The following UGT1A5 variants were observed in gnomAD, a reference collection of about 807,000 sequenced individuals.
The protein encoded by UGT1A5 is UDP glucuronosyltransferase family 1 member A5.
Under a neutral mutation model 40.3 loss-of-function variants are expected in UGT1A5, and 29 were observed. The ratio of observed to expected loss-of-function variants is 0.72; its 90% CI spans 0.54 to 0.98. UGT1A5 has a LOEUF of 0.98. Among genes scored for constraint, UGT1A5 ranks in the 50% least tolerant of loss-of-function variants. The probability of loss-of-function intolerance (pLI) is 0.00; values close to 1 mark genes in which losing one functional copy is unlikely to be tolerated. For missense variants in UGT1A5, 678 were observed against 677.9 expected (o/e 1.00, Z 0.00); for synonymous variants, 257 against 262.5 (o/e 0.98, Z 0.20).
Position 233,769,822 on chromosome 2 carries a change from T to G in UGT1A5, c.1307+1383T>G, listed in dbSNP as rs978750106. ...ATGAGCCGTGATCATGCCACTGCAC[T>G]CCAGCAACCTGGGCAACAGAGTGAG... On this transcript the variant is annotated intron_variant, in intron 4 of 4. Coordinates refer to ENST00000373414, the MANE Select transcript of UGT1A5 (RefSeq NM_019078.2). This position sits in a 1 kb window ranked among gnomAD's most constrained non-coding sequence, Gnocchi z 4.4. 2.6e-6 allele frequency: 2 copies of G among 764,448 alleles called. No individual in the cohort carries two copies. Among genetic ancestry groups the G allele is most frequent in the Admixed American group, 3.7e-5 (1 of 26,868 alleles). The allele number at this position is 764,448 out of a possible 1,614,324, so 47.4% of individuals were successfully genotyped here.
At chr2:233,755,830 A>G (rs534552982) in intron 1 of UGT1A5, 2 of 152,366 alleles carry the variant, frequency 1.3e-5, no homozygotes, top group South Asian at 4.1e-4. Context: ...AGACATATTC[A>G]TTGGGCAATT....
intron 1 of UGT1A5, among the ~76,000 whole-genome samples, chr2:233,752,104 T>G (rs2125914328): frequency 6.6e-6 from 1 of 152,238 alleles, no homozygotes; most frequent in East Asian, 1.9e-4. Flanking sequence ...GAAAGTAGAA[T>G]CAGAGGAGAA....
chr2:233,726,305 A>G (rs1451221769), intron 1 of UGT1A5, among the ~76,000 whole-genome samples: 1 of 152,118 alleles, frequency 6.6e-6, no homozygotes, highest in African/African-American at 2.4e-5. Flanking sequence ...AGGTGGGAGG[A>G]TCATTGAGCT....
At chr2:233,754,004 G>T (rs1256062754) in intron 1 of UGT1A5, among the ~76,000 whole-genome samples, 1 of 152,190 alleles carries the variant, frequency 6.6e-6, no homozygotes, top group African/African-American at 2.4e-5. Context: ...TGGGTAATTT[G>T]TTACAGCCAT....
chr2:233,743,793 C>G (rs768890081), intron 1 of UGT1A5: 1 of 1,367,374 alleles, frequency 7.3e-7, no homozygotes. Flanking sequence ...CTCCTCTCCG[C>G]TTCCTCCTTG....
At chr2:233,763,211 A>C (rs985100909) in intron 1 of UGT1A5, among the ~76,000 whole-genome samples, 2 of 152,222 alleles carry the variant, frequency 1.3e-5, no homozygotes, top group Non-Finnish European at 2.9e-5. Context: ...AGTCAGGCTT[A>C]GGTGTGAAAA....
intron 1 of UGT1A5, among the ~76,000 whole-genome samples, chr2:233,732,023 C>A (rs1433025634): frequency 6.6e-6 from 1 of 152,226 alleles, no homozygotes; most frequent in Non-Finnish European, 1.5e-5. Context: ...ATTTGCATTT[C>A]TCTGATGACC....
At chr2:233,755,040 C>T (rs756883955) in intron 1 of UGT1A5, 1 of 1,322,900 alleles carries the variant, frequency 7.6e-7, no homozygotes, top group South Asian at 1.1e-5. Flanking sequence ...GCCGCCTGCG[C>T]AGCCGCCCTC....
At chr2:233,729,707 T>C (rs2125746901) in intron 1 of UGT1A5, 1 of 1,613,988 alleles carries the variant, frequency 6.2e-7, no homozygotes, top group Non-Finnish European at 8.5e-7. Flanking sequence ...TCCTCCTATA[T>C]TCCTAGATTA....
At chr2:233,726,988 C>A (rs926323067) in intron 1 of UGT1A5, among the ~76,000 whole-genome samples, 1 of 152,120 alleles carries the variant, frequency 6.6e-6, no homozygotes, top group Non-Finnish European at 1.5e-5. Context: ...TGATGAGGTT[C>A]TTTCTAGCAA....
At chr2:233,743,824 G>C (rs757559777) in intron 1 of UGT1A5, 1 of 1,367,262 alleles carries the variant, frequency 7.3e-7, no homozygotes, top group Non-Finnish European at 9.8e-7. Flanking sequence ...TTTTGTCGGG[G>C]TGCCACTTGA....
At chr2:233,767,265 T>G in intron 2 of UGT1A5, 100 bp downstream of exon 2, 2 of 1,588,600 alleles carry the variant, frequency 1.3e-6, no homozygotes. Flanking sequence ...GAACCTTAGA[T>G]TTGGCTTTTC....
intron 1 of UGT1A5, among the ~76,000 whole-genome samples, chr2:233,718,215 G>A (rs2076640910): frequency 1.3e-5 from 2 of 152,122 alleles, no homozygotes; most frequent in African/African-American, 4.8e-5. Context: ...TATATTGACA[G>A]CCACTTCAGA....
At position 233,731,482 on chromosome 2, in the gene UGT1A5, G is replaced by T. The variant is rs562723642; in HGVS notation, c.867+17624G>T. Among the ~76,000 whole-genome samples the T allele has an allele frequency of 2.6e-5, 4 of 152,206 alleles. No individual in the cohort carries two copies. In the East Asian group the frequency reaches 7.7e-4, roughly 29 times the overall value. On this transcript the variant is annotated intron_variant, in intron 1 of 4. Transcript: ENST00000373414. ...CCTGGCGTGTGATGTTCCCTGGCCTGTGTCCAGTGTTCTTGCTGTTCAGTT... is the reference window on the plus strand; with the variant it reads ...CCTGGCGTGTGATGTTCCCTGGCCTTTGTCCAGTGTTCTTGCTGTTCAGTT...
At chr2:233,740,327 T>C (rs1299928906) in intron 1 of UGT1A5, among the ~76,000 whole-genome samples, 2 of 151,910 alleles carry the variant, frequency 1.3e-5, no homozygotes, top group Non-Finnish European at 2.9e-5. Context: ...TCTGCATTTA[T>C]TGAGAAAGTT....
chr2:233,729,225 G>T, intron 1 of UGT1A5: 1 of 1,614,158 alleles, frequency 6.2e-7, no homozygotes, highest in South Asian at 1.1e-5. Context: ...AGGTGTTGGT[G>T]GTGCCCATTG....
In UGT1A5 at chr2:233,741,128, AAC is replaced by A. The variant is rs200537082; in HGVS notation, c.868-25903_868-25902del. The stretch of plus-strand genomic sequence containing the variant: ...TCAAGCTTTACACTTCTATAAAAGC[AAC>A]ACTTTCCATTTATGACAGCACTAAT... On this transcript the variant is annotated intron_variant, in intron 1 of 4. Coordinates refer to ENST00000373414, the MANE Select transcript of UGT1A5 (RefSeq NM_019078.2). Among the ~76,000 whole-genome samples, 1,292 of 152,018 alleles carry A rather than the reference AAC, an allele frequency of 8.5e-3. 44 individuals carry two copies. The highest frequency in any genetic ancestry group is 0.053 in the Admixed American group (810 of 15,284).
intron 1 of UGT1A5, among the ~76,000 whole-genome samples, chr2:233,737,749 T>C (rs1235645192): frequency 6.6e-6 from 1 of 152,308 alleles, no homozygotes; most frequent in South Asian, 2.1e-4. Context: ...CTTCCAGTTT[T>C]TCAATGTGAA....
intron 1 of UGT1A5, among the ~76,000 whole-genome samples, chr2:233,750,971 T>TG (rs1694602658): frequency 6.6e-6 from 1 of 151,624 alleles, no homozygotes; most frequent in South Asian, 2.1e-4. Flanking sequence ...CACTGCCTAG[T>TG]GGAGTTGTGA....
Sources: allele counts gnomAD v4.1 joint callset (sites outside exome capture counted in the v4.1 genomes callset), GRCh38; gene constraint gnomAD v4.1.1; non-coding constraint Gnocchi (gnomAD v3.1); transcripts MANE v1.5; gene names NCBI Gene and HGNC (gene_info 2026-07-23, HGNC 2026-07-21).